Variants in NTM observed in about 807,000 individuals in gnomAD.
The protein encoded by NTM is neurotrimin.
Under a neutral mutation model 42.1 loss-of-function variants are expected in NTM, and 13 were observed. The ratio of observed to expected loss-of-function variants is 0.31; its 90% CI spans 0.20 to 0.49. NTM has a LOEUF of 0.49. Ranked by LOEUF, NTM falls within the 20% of genes least tolerant of loss-of-function variation. The probability of loss-of-function intolerance (pLI) is 0.99; values close to 1 mark genes in which losing one functional copy is unlikely to be tolerated. For missense variants in NTM, 373 were observed against 452.8 expected, an observed-to-expected ratio of 0.82 and a Z score of 1.60; for synonymous variants, 187 against 179.2, an observed-to-expected ratio of 1.04 and a Z score of -0.35.
chr11:131,832,569 C>T (rs535187543), intron 1 of NTM, among the ~76,000 whole-genome samples: 192 of 152,184 alleles, frequency 1.3e-3, no homozygotes, highest in African/African-American at 4.6e-3. Flanking sequence ...TTGACTTCAC[C>T]CTCAGCTTGG....
chr11:132,008,559 G>A lies in NTM; in HGVS notation c.167+96911G>A, dbSNP rs1310724049. Among the ~76,000 whole-genome samples the A allele has an allele frequency of 2.0e-5, 3 of 151,896 alleles. No homozygotes were observed. In the East Asian group the frequency reaches 5.8e-4, roughly 29 times the overall value. ...AATGAACCATCTAGTAGCCTAAGAA[G>A]TGTGGGGAATGAACACCAGATGTGA... On this transcript the variant is annotated intron_variant, in intron 2 of 8. Transcript: ENST00000683400.
intron 1 of NTM, among the ~76,000 whole-genome samples, chr11:131,403,822 G>A (rs1374082038): frequency 6.6e-6 from 1 of 152,130 alleles, no homozygotes; most frequent in African/African-American, 2.4e-5. Context: ...CAGTATACCT[G>A]CCTTTCATTT....
chr11:131,708,856 A>G (rs1306303841), intron 1 of NTM, among the ~76,000 whole-genome samples: 1 of 152,188 alleles, frequency 6.6e-6, no homozygotes, highest in Non-Finnish European at 1.5e-5. Context: ...ATTTTAGCAA[A>G]TGTTGAAAGA....
chr11:132,200,091 C>G (rs533292242), intron 3 of NTM, among the ~76,000 whole-genome samples: 1 of 152,158 alleles, frequency 6.6e-6, no homozygotes, highest in South Asian at 2.1e-4. Context: ...GTCTCTACCC[C>G]TCATGCTAAA....
intron 1 of NTM, among the ~76,000 whole-genome samples, chr11:131,710,786 CA>C (rs2077039163): frequency 6.6e-6 from 1 of 152,124 alleles, no homozygotes; most frequent in South Asian, 2.1e-4. Flanking sequence ...TCCACAAATC[CA>C]AAGCTGTGCT....
intron 4 of NTM, among the ~76,000 whole-genome samples, chr11:132,245,380 G>A (rs2090960443): frequency 6.6e-6 from 1 of 152,110 alleles, no homozygotes; most frequent in Non-Finnish European, 1.5e-5. Context: ...GAAGTGGAGG[G>A]CCAGGTAATG....
chr11:132,066,787 T>A (rs1012873806), intron 2 of NTM, among the ~76,000 whole-genome samples: 12 of 152,150 alleles, frequency 7.9e-5, no homozygotes, highest in Admixed American at 7.9e-4. Context: ...ATTAATTGCA[T>A]TGCATTTAGG....
intron 1 of NTM, among the ~76,000 whole-genome samples, chr11:131,597,490 C>T (rs747898132): frequency 3.3e-5 from 5 of 152,270 alleles, no homozygotes; most frequent in Admixed American, 6.5e-5. Context: ...CTTCAGATTC[C>T]GCATTCTGGG....
At chr11:131,933,666 G>T (rs1327176566) in intron 2 of NTM, among the ~76,000 whole-genome samples, 1 of 151,936 alleles carries the variant, frequency 6.6e-6, no homozygotes, top group African/African-American at 2.4e-5. Flanking sequence ...TTCCTGGAAA[G>T]ACTCTATCTC....
chr11:131,405,108 C>G (rs1346495133), intron 1 of NTM, among the ~76,000 whole-genome samples: 1 of 152,164 alleles, frequency 6.6e-6, no homozygotes, highest in African/African-American at 2.4e-5. Flanking sequence ...ACGCTTCAAC[C>G]TAAGGCAGGG....
At chr11:131,686,453 A>G (rs1415805036) in intron 1 of NTM, among the ~76,000 whole-genome samples, 1 of 152,230 alleles carries the variant, frequency 6.6e-6, no homozygotes, top group African/African-American at 2.4e-5. Flanking sequence ...CTATTAATCA[A>G]ATGGAAGTGG....
chr11:131,413,242 T>G (rs544518480), intron 1 of NTM, among the ~76,000 whole-genome samples: 4 of 152,352 alleles, frequency 2.6e-5, no homozygotes, highest in Non-Finnish European at 5.9e-5. Context: ...AGTGAAGTAA[T>G]TAAAATGAAC....
chr11:131,445,670 TG>T (rs1950002139), intron 1 of NTM, among the ~76,000 whole-genome samples: 1 of 152,192 alleles, frequency 6.6e-6, no homozygotes, highest in Non-Finnish European at 1.5e-5. Context: ...GTGACTTGCT[TG>T]TTTTTCCAAA....
rs115192265 is a variant in NTM, at chr11:131,788,566, G to A, written c.83-122998G>A. 3.5e-3 allele frequency among the ~76,000 whole-genome samples: 526 copies of A among 152,092 alleles called. 4 individuals are homozygous for A. Among genetic ancestry groups the A allele is most frequent in the African/African-American group, 0.012 (491 of 41,470 alleles). On this transcript the variant is annotated intron_variant, in intron 1 of 8. Coordinates refer to ENST00000683400, the MANE Select transcript of NTM (RefSeq NM_001352005.2). ...GTCTTCCGTGCTGACACAATCAGACGTGTTTTCTCTCTATTGTTTGAAAAC... is the reference window on the plus strand; with the variant it reads ...GTCTTCCGTGCTGACACAATCAGACATGTTTTCTCTCTATTGTTTGAAAAC...
At chr11:132,325,630 C>G (rs1007829609) in intron 7 of NTM, among the ~76,000 whole-genome samples, 1 of 152,050 alleles carries the variant, frequency 6.6e-6, no homozygotes, top group Non-Finnish European at 1.5e-5. Context: ...GGATCTAGAA[C>G]TGGAAATACC....
chr11:131,571,255 G>A, intron 1 of NTM, among the ~76,000 whole-genome samples: 1 of 152,228 alleles, frequency 6.6e-6, no homozygotes, highest in Non-Finnish European at 1.5e-5. Context: ...AGTGCAGTTA[G>A]TAGCTTGGCC....
intron 1 of NTM, among the ~76,000 whole-genome samples, chr11:131,907,829 A>G (rs2054086084): frequency 6.6e-6 from 1 of 152,258 alleles, no homozygotes; most frequent in South Asian, 2.1e-4. Context: ...AGCAGGAGAC[A>G]GGATATAAGA....
chr11:132,090,030 T>A (rs138039781), intron 2 of NTM, among the ~76,000 whole-genome samples: 47 of 152,332 alleles, frequency 3.1e-4, no homozygotes, highest in African/African-American at 1.0e-3. Flanking sequence ...TTGTATATAT[T>A]GTTTCATGTC....
chr11:132,033,498 C>G (rs772841387), intron 2 of NTM, among the ~76,000 whole-genome samples: 4 of 152,130 alleles, frequency 2.6e-5, no homozygotes, highest in Non-Finnish European at 5.9e-5. Context: ...ATGAGAATTG[C>G]AGGTGTAGAC....
Sources: allele counts gnomAD v4.1 joint callset (sites outside exome capture counted in the v4.1 genomes callset), GRCh38; gene constraint gnomAD v4.1.1; transcripts MANE v1.5; gene names NCBI Gene and HGNC (gene_info 2026-07-23, HGNC 2026-07-21).